Variants in CAMKMT observed in about 807,000 individuals in gnomAD.
CAMKMT encodes calmodulin-lysine N-methyltransferase, also known as CaM KMT.
CAMKMT carries 53 observed loss-of-function variants against 48.0 expected under a neutral mutation model. The ratio of observed to expected loss-of-function variants is 1.10; its 90% CI spans 0.89 to 1.39. CAMKMT has a LOEUF of 1.39. CAMKMT is among the 40% of genes most tolerant of loss of function. The pLI is 0.00. For synonymous variants in CAMKMT, 165 were observed against 152.3 expected (o/e 1.08, Z -0.61); for missense variants, 428 against 402.7 (o/e 1.06, Z -0.54).
Position 44,540,163 on chromosome 2 carries a change from T to TAG in CAMKMT, c.376+149859_376+149860insGA, listed in dbSNP as rs1667019654. 5.3e-5 allele frequency among the ~76,000 whole-genome samples: 8 copies of TAG among 151,388 alleles called. No homozygotes were observed. The South Asian group carries it at 1.7e-3, about 32-fold the overall frequency. On this transcript the variant is annotated intron_variant, in intron 3 of 10. Transcript: ENST00000378494. ...CCTCTCTTATATATGTATATACATA[T>TAG]ATATATATGTACATATGTTTTAGTA...
chr2:44,403,510 A>G (rs1266715900), intron 3 of CAMKMT, among the ~76,000 whole-genome samples: 1 of 152,102 alleles, frequency 6.6e-6, no homozygotes, highest in African/African-American at 2.4e-5. Context: ...CTTGTACTCT[A>G]CTCGTAGACA....
chr2:44,542,496 T>TACAC lies in CAMKMT; in HGVS notation c.376+152230_376+152233dup, dbSNP rs371102222. 3.3e-3 allele frequency among the ~76,000 whole-genome samples: 444 copies of TACAC among 134,142 alleles called. 1 individual carries two copies. The highest frequency in any genetic ancestry group is 0.026 in the Middle Eastern group (7 of 270). 88.0% of individuals were successfully genotyped at this position (134,142 alleles called of 152,430 possible). On this transcript the variant is annotated intron_variant, in intron 3 of 10. Transcript: ENST00000378494. ...ACTCAGGAGGTAAGACACATACACA[T>TACAC]ACACACACACACACACACACACACA... is the stretch of plus-strand genomic sequence containing the variant.
chr2:44,506,892 A>G (rs886432602), intron 3 of CAMKMT, among the ~76,000 whole-genome samples: 3 of 152,156 alleles, frequency 2.0e-5, no homozygotes, highest in Admixed American at 6.5e-5. Context: ...ATGCTGATCA[A>G]AAAATCTTCA....
intron 3 of CAMKMT, among the ~76,000 whole-genome samples, chr2:44,553,488 G>A (rs1365537118): frequency 6.6e-6 from 1 of 151,898 alleles, no homozygotes; most frequent in East Asian, 1.9e-4. Flanking sequence ...AGACTCCTGA[G>A]TAGCTGCGAC....
rs1048765835 is a variant in CAMKMT at position 44,763,172 on chromosome 2, T to G, written c.763-3258T>G. Among the ~76,000 whole-genome samples, 3 of 152,278 alleles carry G rather than the reference T, an allele frequency of 2.0e-5. No homozygotes were observed. In the South Asian group the frequency reaches 6.2e-4, roughly 32 times the overall value. On this transcript the variant is annotated intron_variant, in intron 9 of 10. Coordinates refer to ENST00000378494, the MANE Select transcript of CAMKMT (RefSeq NM_024766.5). ...ATGGATGATGGGCTCTTTTCCATCC[T>G]AACTATTAATCCACCTCTCAAAGGT...
intron 3 of CAMKMT, among the ~76,000 whole-genome samples, chr2:44,490,899 C>T (rs1022776420): frequency 7.2e-5 from 11 of 152,198 alleles, no homozygotes; most frequent in Admixed American, 2.0e-4. Flanking sequence ...CCTGTAATTA[C>T]AACACTTTGG....
intron 3 of CAMKMT, among the ~76,000 whole-genome samples, chr2:44,634,792 G>T (rs1673025624): frequency 3.9e-5 from 1 of 25,768 alleles, no homozygotes; most frequent in Admixed American, 5.3e-4. Flanking sequence ...TCCAGGTTGA[G>T]GGCTAGCCAA....
chr2:44,422,062 G>A (rs989500987), intron 3 of CAMKMT, among the ~76,000 whole-genome samples: 1 of 152,198 alleles, frequency 6.6e-6, no homozygotes, highest in Admixed American at 6.5e-5. Context: ...ACATTGAAAT[G>A]TAATCCCCAG....
intron 3 of CAMKMT, among the ~76,000 whole-genome samples, chr2:44,484,664 A>C (rs1042221413): frequency 6.8e-6 from 1 of 146,928 alleles, no homozygotes; most frequent in Non-Finnish European, 1.5e-5. Flanking sequence ...CATGACCCTG[A>C]GTTAGGTAAG....
intron 3 of CAMKMT, among the ~76,000 whole-genome samples, chr2:44,420,692 A>G (rs17498753): frequency 0.13 from 19,331 of 152,106 alleles, 1,670 homozygotes; most frequent in South Asian, 0.24. Flanking sequence ...CCTAGAAGAT[A>G]GTGTGGATAA....
At chr2:44,535,366 A>T (rs1666714482) in intron 3 of CAMKMT, among the ~76,000 whole-genome samples, 1 of 152,194 alleles carries the variant, frequency 6.6e-6, no homozygotes, top group African/African-American at 2.4e-5. Flanking sequence ...AGAGGAGGGA[A>T]TACTCCCCGA....
chr2:44,756,371 G>A (rs1438581340), intron 9 of CAMKMT, among the ~76,000 whole-genome samples: 5 of 152,186 alleles, frequency 3.3e-5, no homozygotes, highest in Non-Finnish European at 7.3e-5. Context: ...TACAATTAGA[G>A]CTGGTTTTAG....
At chr2:44,671,713 G>C (rs1284662113) in intron 3 of CAMKMT, among the ~76,000 whole-genome samples, 1 of 152,108 alleles carries the variant, frequency 6.6e-6, no homozygotes, top group African/African-American at 2.4e-5. Context: ...GCTGGTTTGG[G>C]CCTTTTAAAA....
intron 7 of CAMKMT, among the ~76,000 whole-genome samples, chr2:44,739,589 T>C (rs1679556973): frequency 1.3e-5 from 2 of 152,156 alleles, no homozygotes; most frequent in African/African-American, 4.8e-5. Flanking sequence ...CTAGAGTTCA[T>C]GGGAGAGGTT....
chr2:44,668,500 C>T (rs1040592965), intron 3 of CAMKMT, among the ~76,000 whole-genome samples: 10 of 152,192 alleles, frequency 6.6e-5, no homozygotes, highest in African/African-American at 2.2e-4. Flanking sequence ...GACAAGACCC[C>T]TCTTGACTCC....
At chr2:44,656,760 G>GAA (rs111357800) in intron 3 of CAMKMT, among the ~76,000 whole-genome samples, 3 of 151,250 alleles carry the variant, frequency 2.0e-5, no homozygotes, top group Non-Finnish European at 4.4e-5. Context: ...CCCAAATTAA[G>GAA]AAAAAAACCT....
intron 3 of CAMKMT, among the ~76,000 whole-genome samples, chr2:44,570,298 C>G (rs540888630): frequency 6.6e-6 from 1 of 152,172 alleles, no homozygotes; most frequent in East Asian, 1.9e-4. Flanking sequence ...CCCCAGTGTG[C>G]CAAACGGAGA....
intron 3 of CAMKMT, among the ~76,000 whole-genome samples, chr2:44,636,247 T>C (rs1413724861): frequency 6.6e-6 from 1 of 152,180 alleles, no homozygotes; most frequent in East Asian, 1.9e-4. Flanking sequence ...TGGTACAGGA[T>C]AGCAGAGACA....
chr2:44,607,480 C>G (rs1220272723), intron 3 of CAMKMT, among the ~76,000 whole-genome samples: 1 of 152,074 alleles, frequency 6.6e-6, no homozygotes, highest in Non-Finnish European at 1.5e-5. Flanking sequence ...ACTATGGTTT[C>G]TAGTAGTGAA....
Sources: allele counts gnomAD v4.1 joint callset (sites outside exome capture counted in the v4.1 genomes callset), GRCh38; gene constraint gnomAD v4.1.1; transcripts MANE v1.5; gene names NCBI Gene and HGNC (gene_info 2026-07-23, HGNC 2026-07-21).